ZBTB16: variants seen among roughly 807,000 people sequenced by gnomAD.
ZBTB16 encodes the protein zinc finger and BTB domain containing 16.
ZBTB16 carries 8 observed loss-of-function variants against 56.8 expected under a neutral mutation model. The observed-to-expected ratio is 0.14, with a 90% confidence interval of 0.08 to 0.25. The LOEUF (loss-of-function observed/expected upper bound fraction) is 0.25, where lower values mean the gene tolerates loss of function less well. Ranked by LOEUF, ZBTB16 falls within the 10% of genes least tolerant of loss-of-function variation. The pLI is 1.00. For synonymous variants in ZBTB16, 363 were observed against 368.5 expected (o/e 0.98, Z 0.17); for missense variants, 625 against 903.0 (o/e 0.69, Z 3.95).
At chr11:114,067,769 G>A (rs1939173349) in intron 2 of ZBTB16, among the ~76,000 whole-genome samples, 1 of 152,066 alleles carries the variant, frequency 6.6e-6, no homozygotes. Flanking sequence ...TTAGAGCCAG[G>A]GGCAGTGCCT....
intron 2 of ZBTB16, among the ~76,000 whole-genome samples, chr11:114,067,728 G>A (rs953608864): frequency 3.3e-5 from 5 of 152,124 alleles, no homozygotes; most frequent in African/African-American, 1.2e-4. Context: ...TTTGACTGAG[G>A]GTGGAAAGTC....
intron 4 of ZBTB16, among the ~76,000 whole-genome samples, chr11:114,197,449 CTCTT>C (rs1372677489): frequency 6.6e-6 from 1 of 152,166 alleles, no homozygotes; most frequent in Non-Finnish European, 1.5e-5. Context: ...CTGTTTCTCT[CTCTT>C]TGTCTCTCTC....
At position 114,064,251 on chromosome 11, in the gene ZBTB16, T is replaced by G; in HGVS notation, c.951T>G (p.Thr317=). ...PPPAEAGQAP[T]GRPEHPAPPP... Reference sequence around the variant, plus strand: ...CAGCTGAGGCTGGCCAGGCCCCCACTGGCCGACCTGAGCACCCAGCACCCC... The same window carrying G: ...CAGCTGAGGCTGGCCAGGCCCCCACGGGCCGACCTGAGCACCCAGCACCCC... Residue 317 remains threonine, a synonymous_variant, in exon 2 of 7, where the codon ACT becomes ACG. Coordinates refer to ENST00000335953, the MANE Select transcript of ZBTB16 (RefSeq NM_006006.6). The surrounding 1 kb of genome is among the most constrained non-coding windows in gnomAD (Gnocchi z 4.2). 1 of 1,614,004 alleles carries G rather than the reference T, an allele frequency of 6.2e-7. No homozygotes were observed. Among genetic ancestry groups the G allele is most frequent in the Non-Finnish European group, 8.5e-7 (1 of 1,179,998 alleles).
chr11:114,067,567 C>T (rs964474245), intron 2 of ZBTB16, among the ~76,000 whole-genome samples: 4 of 152,070 alleles, frequency 2.6e-5, no homozygotes, highest in Admixed American at 6.5e-5. Flanking sequence ...CCACCATGCC[C>T]GACTAATTTT....
chr11:114,076,383 C>T (rs986363896), intron 2 of ZBTB16, among the ~76,000 whole-genome samples: 5 of 152,252 alleles, frequency 3.3e-5, no homozygotes, highest in South Asian at 4.2e-4. Flanking sequence ...CGCACGCTCA[C>T]GGAGGCAAGT....
chr11:114,186,895 C>A, intron 3 of ZBTB16, 57 bp from the exon 4 acceptor site: 1 of 1,564,944 alleles, frequency 6.4e-7, no homozygotes, highest in African/African-American at 1.4e-5. Context: ...GGCCCAGGAC[C>A]TCCCCGCTCA....
intron 4 of ZBTB16, among the ~76,000 whole-genome samples, chr11:114,211,658 G>A (rs975863703): frequency 9.9e-5 from 15 of 152,204 alleles, no homozygotes; most frequent in Admixed American, 7.2e-4. Context: ...TTGGCGACCC[G>A]CCCCATTTCC....
At chr11:114,233,436 A>C (rs1310346912) in intron 4 of ZBTB16, among the ~76,000 whole-genome samples, 1 of 152,008 alleles carries the variant, frequency 6.6e-6, no homozygotes, top group Admixed American at 6.5e-5. Flanking sequence ...GGCTTCTTGC[A>C]ACTTAACATG....
At chr11:114,171,783 G>A (rs1254761589) in intron 3 of ZBTB16, among the ~76,000 whole-genome samples, 7 of 152,184 alleles carry the variant, frequency 4.6e-5, no homozygotes, top group Admixed American at 1.3e-4. Context: ...TCTCTGGCAC[G>A]GACTATCTGC....
intron 4 of ZBTB16, among the ~76,000 whole-genome samples, chr11:114,233,073 G>A (rs1226189767): frequency 5.1e-4 from 38 of 74,552 alleles, no homozygotes; most frequent in Admixed American, 1.5e-4. Context: ...GCATGCGCGC[G>A]CGCGCGCGCA....
At chr11:114,105,702 C>T (rs1289752477) in intron 2 of ZBTB16, among the ~76,000 whole-genome samples, 1 of 152,190 alleles carries the variant, frequency 6.6e-6, no homozygotes, top group Non-Finnish European at 1.5e-5. Context: ...TCCCCTGTTC[C>T]TCCATCACTC....
Position 114,063,550 on chromosome 11 carries a change from C to T in ZBTB16, c.250C>T (p.Leu84=), listed in dbSNP as rs1317301890. 1 of 1,614,112 alleles carries T rather than the reference C, an allele frequency of 6.2e-7. No homozygotes were observed. The highest frequency in any genetic ancestry group is 1.3e-5 in the African/African-American group (1 of 74,944). ...CTCGCCAAAGACCTTCCAGCAGATT[C>T]TGGAGTATGCATATACAGCCACGCT... The part of the protein sequence containing the change: ...FLSPKTFQQI[L]EYAYTATLQA... Residue 84 remains leucine, a synonymous_variant, in exon 2 of 7, where the codon CTG becomes TTG. Transcript: ENST00000335953. The surrounding 1 kb of genome is among the most constrained non-coding windows in gnomAD (Gnocchi z 6.5).
At chr11:114,127,135 C>T (rs1280236635) in intron 2 of ZBTB16, among the ~76,000 whole-genome samples, 2 of 152,162 alleles carry the variant, frequency 1.3e-5, no homozygotes, top group South Asian at 2.1e-4. Flanking sequence ...AGCTTGGTGA[C>T]AGCAGTGTAG....
chr11:114,146,836 G>A (rs1942119285), intron 2 of ZBTB16, among the ~76,000 whole-genome samples: 1 of 130,672 alleles, frequency 7.7e-6, no homozygotes, highest in Admixed American at 8.2e-5. Flanking sequence ...GCGATAGAGT[G>A]AGATTCTGTC....
intron 3 of ZBTB16, among the ~76,000 whole-genome samples, chr11:114,186,518 G>T (rs1282428791): frequency 2.0e-5 from 3 of 152,118 alleles, no homozygotes; most frequent in Non-Finnish European, 4.4e-5. Context: ...CACTGAGTCA[G>T]AGGTCCCCAT....
intron 4 of ZBTB16, among the ~76,000 whole-genome samples, chr11:114,221,961 C>G (rs1944239031): frequency 6.6e-6 from 1 of 152,122 alleles, no homozygotes; most frequent in Non-Finnish European, 1.5e-5. Flanking sequence ...CAAGAGGAGA[C>G]CCATGTTACA....
intron 3 of ZBTB16, among the ~76,000 whole-genome samples, chr11:114,176,838 G>C (rs942518409): frequency 6.6e-6 from 1 of 152,180 alleles, no homozygotes; most frequent in African/African-American, 2.4e-5. Flanking sequence ...AATCTTGGGT[G>C]CGCTGGCCAG....
At position 114,250,316 on chromosome 11, in the gene ZBTB16, C is replaced by T; in HGVS notation, c.1793-10C>T. ...CCTCACTTTCTCCTGCCCTGTCCCT[C>T]CGCCCTCAGGTGAGAAGCCCTTTGA... is the stretch of plus-strand genomic sequence containing the variant. On this transcript the variant is annotated splice_polypyrimidine_tract_variant and intron_variant, in intron 6 of 6. Coordinates refer to ENST00000335953, the MANE Select transcript of ZBTB16 (RefSeq NM_006006.6). The surrounding 1 kb of genome is among the most constrained non-coding windows in gnomAD (Gnocchi z 6.0). The T allele has an allele frequency of 6.2e-7, 1 of 1,609,964 alleles. No individual in the cohort carries two copies. The highest frequency in any genetic ancestry group is 8.5e-7 in the Non-Finnish European group (1 of 1,179,894).
intron 6 of ZBTB16, among the ~76,000 whole-genome samples, 189 bp downstream of exon 6, chr11:114,247,554 T>A (rs1944840263): frequency 6.6e-6 from 1 of 152,164 alleles, no homozygotes; most frequent in Non-Finnish European, 1.5e-5. Context: ...CTGAGGGCCA[T>A]CAGTCAAGGC....
Sources: allele counts gnomAD v4.1 joint callset (sites outside exome capture counted in the v4.1 genomes callset), GRCh38; gene constraint gnomAD v4.1.1; non-coding constraint Gnocchi (gnomAD v3.1); transcripts MANE v1.5; gene names NCBI Gene and HGNC (gene_info 2026-07-23, HGNC 2026-07-21).